Variants in THSD7B observed in about 807,000 individuals in gnomAD.
THSD7B encodes the protein thrombospondin type-1 domain-containing protein 7B.
THSD7B carries 138 observed loss-of-function variants against 213.6 expected under a neutral mutation model. The observed-to-expected ratio is 0.65, with a 90% CI of 0.56 to 0.74. The LOEUF (loss-of-function observed/expected upper bound fraction) is 0.74, where lower values mean the gene tolerates loss of function less well. THSD7B is among the 30% of genes least tolerant of loss of function. The pLI is 0.00. For missense variants in THSD7B, 1,931 were observed against 1,991.5 expected (o/e 0.97, Z 0.58); for synonymous variants, 742 against 687.0 (o/e 1.08, Z -1.25).
At chr2:136,917,384 G>T (rs1250054354) in intron 2 of THSD7B, among the ~76,000 whole-genome samples, 2 of 152,152 alleles carry the variant, frequency 1.3e-5, no homozygotes, top group East Asian at 1.9e-4. Context: ...GGAATGGATG[G>T]GGCTGATCGT....
chr2:137,245,114 T>G (rs2105067798), intron 10 of THSD7B, among the ~76,000 whole-genome samples: 1 of 152,272 alleles, frequency 6.6e-6, no homozygotes, highest in East Asian at 1.9e-4. Flanking sequence ...GAGCAAAACT[T>G]GCTTTAACGC....
chr2:136,864,784 C>T (rs1683308907), intron 1 of THSD7B, among the ~76,000 whole-genome samples: 1 of 152,168 alleles, frequency 6.6e-6, no homozygotes, highest in Admixed American at 6.5e-5. Flanking sequence ...GATCTCCTGA[C>T]CTCATTATCC....
At chr2:136,851,994 A>G (rs1683105883) in intron 1 of THSD7B, among the ~76,000 whole-genome samples, 1 of 151,888 alleles carries the variant, frequency 6.6e-6, no homozygotes, top group South Asian at 2.1e-4. Flanking sequence ...CTCATATCTT[A>G]TTCCCTGTTG....
At chr2:137,629,027 G>T (rs1682690632) in intron 20 of THSD7B, among the ~76,000 whole-genome samples, 1 of 152,168 alleles carries the variant, frequency 6.6e-6, no homozygotes, top group African/African-American at 2.4e-5. Context: ...AGGGGCCAGT[G>T]ACCCTGTTTG....
chr2:137,336,407 G>A (rs1389183017), intron 12 of THSD7B, among the ~76,000 whole-genome samples: 1 of 152,136 alleles, frequency 6.6e-6, no homozygotes, highest in Non-Finnish European at 1.5e-5. Context: ...AATATATTGT[G>A]AACAGTGAAC....
intron 20 of THSD7B, among the ~76,000 whole-genome samples, chr2:137,641,166 C>T (rs558301315): frequency 2.6e-5 from 4 of 152,334 alleles, no homozygotes; most frequent in Admixed American, 6.5e-5. Flanking sequence ...CTAAAAGACT[C>T]TGCTTTGAAT....
intron 2 of THSD7B, among the ~76,000 whole-genome samples, chr2:137,031,949 C>T (rs1686682305): frequency 6.6e-6 from 1 of 151,900 alleles, no homozygotes; most frequent in Non-Finnish European, 1.5e-5. Context: ...TTAAACAATC[C>T]TCCCACCTCA....
chr2:136,767,156 C>T (rs372904834), intron 1 of THSD7B, among the ~76,000 whole-genome samples: 3 of 152,118 alleles, frequency 2.0e-5, no homozygotes, highest in Non-Finnish European at 4.4e-5. Context: ...CCTTTTTGTG[C>T]TCTTGACTGT....
At chr2:137,590,114 C>T (rs917209101) in intron 17 of THSD7B, among the ~76,000 whole-genome samples, 1 of 152,114 alleles carries the variant, frequency 6.6e-6, no homozygotes, top group African/African-American at 2.4e-5. Context: ...TGCTTTCTCC[C>T]TTCCTTTTAC....
chr2:137,024,470 G>A (rs576378250), intron 2 of THSD7B, among the ~76,000 whole-genome samples: 1 of 152,164 alleles, frequency 6.6e-6, no homozygotes, highest in East Asian at 1.9e-4. Context: ...AATTATAAAA[G>A]TCATACTGAA....
At chr2:136,960,421 G>GT in intron 2 of THSD7B, among the ~76,000 whole-genome samples, 1 of 152,120 alleles carries the variant, frequency 6.6e-6, no homozygotes, top group Non-Finnish European at 1.5e-5. Flanking sequence ...TTACAGGTAT[G>GT]AGCCACTGTG....
chr2:137,522,714 A>G (rs1433351661), intron 15 of THSD7B, among the ~76,000 whole-genome samples: 2 of 152,172 alleles, frequency 1.3e-5, no homozygotes, highest in Admixed American at 1.3e-4. Context: ...TAGCAAATCT[A>G]CCTTCTACTT....
intron 12 of THSD7B, among the ~76,000 whole-genome samples, chr2:137,382,582 T>A (rs1685801778): frequency 6.6e-6 from 1 of 152,198 alleles, no homozygotes; most frequent in African/African-American, 2.4e-5. Context: ...TGTGAGAGTA[T>A]GGCAGGATGG....
chr2:136,814,663 G>C (rs1682441898), intron 1 of THSD7B, among the ~76,000 whole-genome samples: 1 of 152,174 alleles, frequency 6.6e-6, no homozygotes, highest in Admixed American at 6.5e-5. Context: ...CTCCCAAAGT[G>C]CTGGGATTAC....
intron 2 of THSD7B, among the ~76,000 whole-genome samples, chr2:137,053,455 A>G (rs1235387618): frequency 1.3e-5 from 2 of 152,112 alleles, no homozygotes; most frequent in Non-Finnish European, 1.5e-5. Context: ...ATTTGGAAAA[A>G]TTCTGTAAAG....
At chr2:137,619,422 C>T (rs1573746999) in intron 19 of THSD7B, among the ~76,000 whole-genome samples, 1 of 152,222 alleles carries the variant, frequency 6.6e-6, no homozygotes, top group African/African-American at 2.4e-5. Context: ...AACAGAGTAG[C>T]TGCAGACTAC....
intron 7 of THSD7B, among the ~76,000 whole-genome samples, chr2:137,191,791 G>A (rs2105015262): frequency 6.6e-6 from 1 of 152,216 alleles, no homozygotes; most frequent in South Asian, 2.1e-4. Context: ...TTCAGCAGCT[G>A]TGGATCATAT....
chr2:136,960,089 T>TTCA (rs1685191156), intron 2 of THSD7B, among the ~76,000 whole-genome samples: 1 of 152,176 alleles, frequency 6.6e-6, no homozygotes, highest in South Asian at 2.1e-4. Context: ...TTGTAATGGA[T>TTCA]TCAGCTGGAT....
At chr2:137,134,178 G>A (rs1015391233) in intron 5 of THSD7B, among the ~76,000 whole-genome samples, 1 of 152,180 alleles carries the variant, frequency 6.6e-6, no homozygotes, top group Non-Finnish European at 1.5e-5. Flanking sequence ...CTTTGGACTG[G>A]CGGTAACTTG....
Sources: gnomAD v4.1 joint callset for allele counts (sites outside exome capture counted in the v4.1 genomes callset) on GRCh38, gnomAD v4.1.1 for gene constraint, MANE v1.5 for transcripts, NCBI Gene and HGNC (gene_info 2026-07-23, HGNC 2026-07-21) for gene names.